Variants in L3MBTL2 observed in about 807,000 individuals in gnomAD.
L3MBTL2 encodes L3MBTL histone methyl-lysine binding protein 2.
Under a neutral mutation model 86.4 loss-of-function variants are expected in L3MBTL2, and 49 were observed. The ratio of observed to expected loss-of-function variants is 0.57; its 90% confidence interval spans 0.45 to 0.72. L3MBTL2 has a LOEUF of 0.72. Among genes scored for constraint, L3MBTL2 ranks in the 30% least tolerant of loss-of-function variants. The pLI, the probability that L3MBTL2 is intolerant of heterozygous loss-of-function variation, is 0.00. For synonymous variants in L3MBTL2, 336 were observed against 350.6 expected, an observed-to-expected ratio of 0.96 and a Z score of 0.47; for missense variants, 755 against 923.7, an observed-to-expected ratio of 0.82 and a Z score of 2.37.
In L3MBTL2 at chr22:41,225,888, T is replaced by C; in HGVS notation, c.1451T>C (p.Ile484Thr). 1 of 1,614,144 alleles carries C rather than the reference T, an allele frequency of 6.2e-7. No homozygotes were observed. The highest frequency in any genetic ancestry group is 8.5e-7 in the Non-Finnish European group (1 of 1,180,024). ...TGCTACCATGCCTCTTCCCACGCCA[T>C]CTTCCCGGCCACCTTCTGTCAGAAG... ...WFCYHASSHA[I>T]FPATFCQKND... Residue 484 changes from isoleucine (I) to threonine (T), a missense_variant, in exon 12 of 17, where the codon ATC (isoleucine) becomes ACC (threonine). By Grantham distance (89) the Ile-to-Thr change is moderately conservative. Coordinates refer to ENST00000216237, the MANE Select transcript of L3MBTL2 (RefSeq NM_031488.5). The surrounding 1 kb of genome is among the most constrained non-coding windows in gnomAD (Gnocchi z 4.1).
rs995238696 is a variant in L3MBTL2, at chr22:41,225,655, C to G, written c.1357-139C>G. The stretch of plus-strand genomic sequence containing the variant: ...AGAAGTACTGTGTGCCCCAGAGAGG[C>G]TCAGGTGTCCTCCAGGAGGGCCATG... On this transcript the variant is annotated intron_variant, in intron 11 of 16. Coordinates refer to ENST00000216237, the MANE Select transcript of L3MBTL2 (RefSeq NM_031488.5). The surrounding 1 kb of genome is among the most constrained non-coding windows in gnomAD (Gnocchi z 4.1). 3 of 798,944 alleles carry G rather than the reference C, an allele frequency of 3.8e-6. No homozygotes were observed. Among genetic ancestry groups the G allele is most frequent in the Non-Finnish European group, 5.8e-6 (3 of 518,100 alleles). The allele number at this position is 798,944 out of a possible 1,614,324, so 49.5% of individuals were successfully genotyped here. A position where few individuals can be genotyped will look rare whatever the true frequency, so the allele number is the denominator to read the frequency against.
intron 8 of L3MBTL2, among the ~76,000 whole-genome samples, chr22:41,222,954 C>T (rs1263771473): frequency 1.3e-5 from 2 of 151,956 alleles, no homozygotes; most frequent in Non-Finnish European, 2.9e-5. Flanking sequence ...ACAAAAATGG[C>T]GTTGGATTGT....
At chr22:41,205,649 G>A (rs1601477416) in intron 1 of L3MBTL2, among the ~76,000 whole-genome samples, 1 of 152,266 alleles carries the variant, frequency 6.6e-6, no homozygotes, top group East Asian at 1.9e-4. Flanking sequence ...TAGGATCTGA[G>A]AGCTCCTGAA....
chr22:41,224,576 A>C lies in L3MBTL2; in HGVS notation c.1175-149A>C, dbSNP rs994374816. 8 of 645,670 alleles carry C rather than the reference A, an allele frequency of 1.2e-5. No homozygotes were observed. The highest frequency in any genetic ancestry group is 1.1e-4 in the African/African-American group (6 of 54,910). The allele number at this position is 645,670 out of a possible 1,614,324, so 40.0% of individuals were successfully genotyped here. On this transcript the variant is annotated intron_variant, in intron 9 of 16. Transcript: ENST00000216237. The surrounding 1 kb of genome is among the most constrained non-coding windows in gnomAD (Gnocchi z 4.9). ...TCTGGACTCAACCTTTCTGTCTGCT[A>C]CTCTGGGGTGGGGGGTCCTGAGATA...
rs1393053433 is a variant in L3MBTL2, at chr22:41,224,586, G to A, written c.1175-139G>A. The A allele has an allele frequency of 3.0e-6, 2 of 660,380 alleles. No individual in the cohort carries two copies. The highest frequency in any genetic ancestry group is 1.8e-5 in the South Asian group (1 of 55,124). 40.9% of individuals were successfully genotyped at this position (660,380 alleles called of 1,614,324 possible). A position where few individuals can be genotyped will look rare whatever the true frequency, so the allele number is the denominator to read the frequency against. On this transcript the variant is annotated intron_variant, in intron 9 of 16. Coordinates refer to ENST00000216237, the MANE Select transcript of L3MBTL2 (RefSeq NM_031488.5). The surrounding 1 kb of genome is among the most constrained non-coding windows in gnomAD (Gnocchi z 4.9). ...ACCTTTCTGTCTGCTACTCTGGGGT[G>A]GGGGGTCCTGAGATACAGAGATACA...
Position 41,227,797 on chromosome 22 carries a change from A to G in L3MBTL2, c.1823-7A>G. ...TCATCTCTTTCACCCTTGTCTTTCA[A>G]CAACAGAACCGGCCACACCGCTGAA... On this transcript the variant is annotated splice_region_variant and splice_polypyrimidine_tract_variant and intron_variant, in intron 14 of 16. Coordinates refer to ENST00000216237, the MANE Select transcript of L3MBTL2 (RefSeq NM_031488.5). The surrounding 1 kb of genome is among the most constrained non-coding windows in gnomAD (Gnocchi z 6.0). The G allele has an allele frequency of 6.2e-7, 1 of 1,613,500 alleles. No homozygotes were observed. Among genetic ancestry groups the G allele is most frequent in the Non-Finnish European group, 8.5e-7 (1 of 1,179,708 alleles).
At position 41,224,923 on chromosome 22, in the gene L3MBTL2, T is replaced by C; in HGVS notation, c.1252-44T>C. 2.5e-6 allele frequency: 4 copies of C among 1,588,352 alleles called. No individual in the cohort carries two copies. The highest frequency in any genetic ancestry group is 3.5e-6 in the Non-Finnish European group (4 of 1,157,928). ...TGAGGCCTGCTTCCCTCACCCTTCC[T>C]CCTGGCCTGCCCAGGGAGTCCCCAG... On this transcript the variant is annotated intron_variant, in intron 10 of 16. Transcript: ENST00000216237. This position sits in a 1 kb window ranked among gnomAD's most constrained non-coding sequence, Gnocchi z 4.9.
At position 41,217,219 on chromosome 22, in the gene L3MBTL2, T is replaced by G. The variant is rs2031456847; in HGVS notation, c.600+17T>G. On this transcript the variant is annotated intron_variant, in intron 5 of 16. Transcript: ENST00000216237. ...TTCAAGCACGTGAGTGCCCTGGAGC[T>G]GAGGGAGGGAGGCCGGGGAGCCGGG... is the stretch of plus-strand genomic sequence containing the variant. 4 of 1,604,800 alleles carry G rather than the reference T, an allele frequency of 2.5e-6. No individual in the cohort carries two copies. The highest frequency in any genetic ancestry group is 3.4e-6 in the Non-Finnish European group (4 of 1,173,880).
In L3MBTL2 at chr22:41,220,732, AGGGTATC is replaced by A. The variant is rs751807041; in HGVS notation, c.722_728del (p.Tyr241CysfsTer38). On this transcript the variant is annotated splice_acceptor_variant and coding_sequence_variant, in exon 7 of 17. Coordinates refer to ENST00000216237, the MANE Select transcript of L3MBTL2 (RefSeq NM_031488.5). LOFTEE classifies it high-confidence loss of function. ...CACAGGTGCCCTTTCCTTTCCTTTC[AGGGTATC>A]GGGTGCTGCTTCGGTATGAAGGCTT... 6.2e-7 allele frequency: 1 copy of A among 1,609,224 alleles called. No individual in the cohort carries two copies. The highest frequency in any genetic ancestry group is 1.1e-5 in the South Asian group (1 of 90,860).
At position 41,221,294 on chromosome 22, in the gene L3MBTL2, A is replaced by G; in HGVS notation, c.942+7A>G. 1 of 1,551,158 alleles carries G rather than the reference A, an allele frequency of 6.4e-7. No homozygotes were observed. The highest frequency in any genetic ancestry group is 1.2e-5 in the South Asian group (1 of 84,060). Reference sequence around the variant, plus strand: ...CGTGGATTTCCACATCAAGGTCGGCAGTGAGCCCTTAACTGATGTGCCTCC... The same window carrying G: ...CGTGGATTTCCACATCAAGGTCGGCGGTGAGCCCTTAACTGATGTGCCTCC... On this transcript the variant is annotated splice_region_variant and intron_variant, in intron 8 of 16. Coordinates refer to ENST00000216237, the MANE Select transcript of L3MBTL2 (RefSeq NM_031488.5).
At chr22:41,230,076 T>TC in intron 16 of L3MBTL2, 63 bp from the exon 17 acceptor site, 7 of 912,378 alleles carry the variant, frequency 7.7e-6, no homozygotes, top group Admixed American at 5.1e-5. Context: ...TCCCAGCTCC[T>TC]CCGCCCCCAC....
At chr22:41,208,392 A>G (rs1219703393) in intron 1 of L3MBTL2, 2 of 421,056 alleles carry the variant, frequency 4.7e-6, no homozygotes, top group South Asian at 3.4e-5. Context: ...AGCCTCCCAA[A>G]GTGCTGGGAT....
chr22:41,229,484 A>G, intron 15 of L3MBTL2, 56 bp from the exon 16 acceptor site: 1 of 1,572,672 alleles, frequency 6.4e-7, no homozygotes, highest in Non-Finnish European at 8.7e-7. Context: ...CCTATCCCAT[A>G]AAGCCTTACC....
chr22:41,224,209 G>A lies in L3MBTL2; in HGVS notation c.1132G>A (p.Val378Met). The change falls in exon 9 of 17, where the codon GTG becomes ATG. Residue 378 changes from valine (V) to methionine (M), a missense_variant. Transcript: ENST00000216237. This position sits in a 1 kb window ranked among gnomAD's most constrained non-coding sequence, Gnocchi z 4.9. The stretch of plus-strand genomic sequence containing the variant: ...CATGTGGAGCCCCCTGATCCACCCA[G>A]TGGGTTGGTCACGACGTGTGGGCCA... Reference protein sequence around the residue: ...CHMWSPLIHPVGWSRRVGHGI... With the variant: ...CHMWSPLIHPMGWSRRVGHGI... 6.2e-7 allele frequency: 1 copy of A among 1,613,940 alleles called. No homozygotes were observed. The highest frequency in any genetic ancestry group is 8.5e-7 in the Non-Finnish European group (1 of 1,179,926).
chr22:41,229,367 C>T, intron 15 of L3MBTL2, 173 bp from the exon 16 acceptor site: 1 of 661,216 alleles, frequency 1.5e-6, no homozygotes. Context: ...AGAATCTGAG[C>T]TCAGGGCACA....
chr22:41,207,064 T>G (rs2145561138), intron 1 of L3MBTL2, among the ~76,000 whole-genome samples: 1 of 152,114 alleles, frequency 6.6e-6, no homozygotes, highest in East Asian at 1.9e-4. Context: ...CAAGATAAAA[T>G]ACGCACAAAA....
chr22:41,220,968 T>A, intron 7 of L3MBTL2, 100 bp downstream of exon 7: 6 of 1,378,712 alleles, frequency 4.4e-6, no homozygotes, highest in Non-Finnish European at 5.9e-6. Flanking sequence ...CTCTGTCTTG[T>A]TAGAACAGAA....
At chr22:41,217,334 A>G (rs1338614555) in intron 5 of L3MBTL2, 132 bp downstream of exon 5, 1 of 655,500 alleles carries the variant, frequency 1.5e-6, no homozygotes, top group African/African-American at 1.8e-5. Flanking sequence ...GGATGGCGTT[A>G]CCACTCGCTC....
intron 1 of L3MBTL2, chr22:41,205,911 G>A (rs2030174054): frequency 6.3e-6 from 1 of 159,632 alleles, no homozygotes; most frequent in South Asian, 1.6e-4. Flanking sequence ...AAGGAGATTG[G>A]CACTAAGTCT....
Sources: gnomAD v4.1 joint callset for allele counts (sites outside exome capture counted in the v4.1 genomes callset) on GRCh38, gnomAD v4.1.1 for gene constraint, Gnocchi (gnomAD v3.1) non-coding constraint, MANE v1.5 for transcripts, NCBI Gene and HGNC (gene_info 2026-07-23, HGNC 2026-07-21) for gene names.